FBXO32: variants seen among roughly 807,000 people sequenced by gnomAD.
FBXO32 encodes the protein F-box protein 32.
A neutral mutation model predicts 48.3 loss-of-function variants in FBXO32; 15 were observed. That is an observed-to-expected ratio of 0.31 (90% CI 0.21 to 0.48). FBXO32 has a LOEUF of 0.48. FBXO32 is among the 20% of genes least tolerant of loss of function. The pLI is 0.99. For synonymous variants in FBXO32, 154 were observed against 165.9 expected (o/e 0.93, Z 0.55); for missense variants, 309 against 432.7 (o/e 0.71, Z 2.54).
intron 6 of FBXO32, among the ~76,000 whole-genome samples, chr8:123,512,471 C>T (rs189506287): frequency 4.6e-5 from 7 of 151,748 alleles, no homozygotes; most frequent in African/African-American, 1.2e-4. Context: ...CTACATGAGC[C>T]GCCTGAGTGT....
chr8:123,530,107 A>G (rs1225991321), intron 4 of FBXO32, among the ~76,000 whole-genome samples: 1 of 152,182 alleles, frequency 6.6e-6, no homozygotes, highest in African/African-American at 2.4e-5. Flanking sequence ...TTCACCCAAG[A>G]AGGTCTCTTA....
chr8:123,507,044 C>T (rs530861764), intron 6 of FBXO32, among the ~76,000 whole-genome samples: 3 of 152,280 alleles, frequency 2.0e-5, no homozygotes, highest in African/African-American at 7.2e-5. Context: ...ACCTCAATGC[C>T]TTCGCCTCCC....
At chr8:123,510,775 G>T (rs922074934) in intron 6 of FBXO32, among the ~76,000 whole-genome samples, 1 of 152,288 alleles carries the variant, frequency 6.6e-6, no homozygotes. Context: ...GACTGTCTCC[G>T]GCTCTGTGCC....
At chr8:123,511,935 G>A (rs1272278591) in intron 6 of FBXO32, among the ~76,000 whole-genome samples, 2 of 152,172 alleles carry the variant, frequency 1.3e-5, no homozygotes, top group Non-Finnish European at 2.9e-5. Context: ...CAGAAACCAG[G>A]TAGAATGTGT....
In FBXO32 at chr8:123,506,178, A is replaced by G. The variant is rs1254594234; in HGVS notation, c.834+214T>C. On this transcript the variant is annotated intron_variant, in intron 7 of 8. Transcript: ENST00000517956. This position sits in a 1 kb window ranked among gnomAD's most constrained non-coding sequence, Gnocchi z 4.0. ...CAAGTGGCTGAGGTTACAGTGAGCT[A>G]TGATTGCATCACTGCACTCCAGCCT... Among the ~76,000 whole-genome samples the G allele has an allele frequency of 6.6e-6, 1 of 152,136 alleles. No homozygotes were observed. The highest frequency in any genetic ancestry group is 2.4e-5 in the African/African-American group (1 of 41,424).
At chr8:123,533,626 G>A (rs1817252188) in intron 2 of FBXO32, among the ~76,000 whole-genome samples, 1 of 152,138 alleles carries the variant, frequency 6.6e-6, no homozygotes, top group South Asian at 2.1e-4. Context: ...TGGCCAACAT[G>A]GTGAAACCCC....
chr8:123,521,572 T>G (rs1159695975), intron 4 of FBXO32, among the ~76,000 whole-genome samples: 1 of 152,196 alleles, frequency 6.6e-6, no homozygotes, highest in Admixed American at 6.5e-5. Context: ...TTCAGAAGCA[T>G]CAACAAAAAT....
At chr8:123,512,951 C>T (rs1470974094) in intron 6 of FBXO32, among the ~76,000 whole-genome samples, 3 of 152,172 alleles carry the variant, frequency 2.0e-5, no homozygotes, top group East Asian at 1.9e-4. Flanking sequence ...GCCAAGTTTC[C>T]AGCTTTCCCA....
rs1280201956 is a variant in FBXO32, at chr8:123,541,063, G to A, written c.-49C>T. The A allele has an allele frequency of 7.5e-7, 1 of 1,331,556 alleles. No homozygotes were observed. The highest frequency in any genetic ancestry group is 1.0e-6 in the Non-Finnish European group (1 of 982,052). 82.5% of individuals were successfully genotyped at this position (1,331,556 alleles called of 1,614,324 possible). A position where few individuals can be genotyped will look rare whatever the true frequency, so the allele number is the denominator to read the frequency against. On this transcript the variant is annotated 5_prime_UTR_variant, in exon 1 of 9. Coordinates refer to ENST00000517956, the MANE Select transcript of FBXO32 (RefSeq NM_058229.4). ...ATGGGGAGACGGGGCCGGCCTGGTG[G>A]GCTCGGGGACGTGCCACCCGGGGCG...
chr8:123,516,047 T>C (rs1465440695), intron 4 of FBXO32, among the ~76,000 whole-genome samples: 1 of 152,176 alleles, frequency 6.6e-6, no homozygotes, highest in Admixed American at 6.5e-5. Flanking sequence ...AACTTTAGAC[T>C]GGAAGGAATC....
intron 4 of FBXO32, among the ~76,000 whole-genome samples, chr8:123,516,731 T>A (rs116176322): frequency 6.6e-6 from 1 of 152,144 alleles, no homozygotes; most frequent in East Asian, 1.9e-4. Flanking sequence ...CTCCTTTTTC[T>A]CCCTGGCTTC....
At chr8:123,504,238 C>A (rs1445248857) in intron 8 of FBXO32, among the ~76,000 whole-genome samples, 2 of 151,974 alleles carry the variant, frequency 1.3e-5, no homozygotes, top group East Asian at 1.9e-4. Flanking sequence ...ATTACATTAT[C>A]GCATGGACCC....
intron 4 of FBXO32, among the ~76,000 whole-genome samples, chr8:123,520,037 T>G (rs1479662118): frequency 6.6e-6 from 1 of 152,150 alleles, no homozygotes; most frequent in Non-Finnish European, 1.5e-5. Flanking sequence ...ATCTGCCTGC[T>G]TTGGCCTCCC....
In FBXO32 at chr8:123,540,842, C is replaced by G; in HGVS notation, c.116+57G>C. On this transcript the variant is annotated intron_variant, in intron 1 of 8. Transcript: ENST00000517956. This position sits in a 1 kb window ranked among gnomAD's most constrained non-coding sequence, Gnocchi z 6.4. Reference sequence around the variant, plus strand: ...CCCTCATTCGCCGTCCCTGCGCCCCCCAGACCAGCCCGGGTCAGTTTCGCG... The same window carrying G: ...CCCTCATTCGCCGTCCCTGCGCCCCGCAGACCAGCCCGGGTCAGTTTCGCG... 4 of 1,468,640 alleles carry G rather than the reference C, an allele frequency of 2.7e-6. No homozygotes were observed. The highest frequency in any genetic ancestry group is 3.8e-6 in the Non-Finnish European group (4 of 1,062,584). The allele number at this position is 1,468,640 out of a possible 1,614,324, so 91.0% of individuals were successfully genotyped here.
intron 5 of FBXO32, 75 bp downstream of exon 5, chr8:123,514,165 G>T: frequency 9.6e-7 from 1 of 1,036,378 alleles, no homozygotes; most frequent in Non-Finnish European, 1.4e-6. Context: ...CTAATGACAC[G>T]TCCACTTCAT....
chr8:123,519,872 C>G (rs1816916004), intron 4 of FBXO32, among the ~76,000 whole-genome samples: 1 of 152,158 alleles, frequency 6.6e-6, no homozygotes, highest in Non-Finnish European at 1.5e-5. Context: ...ATTGCAACCT[C>G]CACCTCCCAG....
Position 123,532,624 on chromosome 8 carries a change from A to G in FBXO32, c.279+567T>C, listed in dbSNP as rs543611129. On this transcript the variant is annotated intron_variant, in intron 3 of 8. Transcript: ENST00000517956. Reference sequence around the variant, plus strand: ...AAATCACAGAGGGGACTAGATGTTCACTGAGGTCCCTGACGGTCATAGAAA... The same window carrying G: ...AAATCACAGAGGGGACTAGATGTTCGCTGAGGTCCCTGACGGTCATAGAAA... 3.3e-5 allele frequency among the ~76,000 whole-genome samples: 5 copies of G among 152,360 alleles called. No individual in the cohort carries two copies. The East Asian group carries it at 9.6e-4, about 29-fold the overall frequency.
intron 1 of FBXO32, among the ~76,000 whole-genome samples, chr8:123,536,732 A>G (rs1199049889): frequency 6.6e-6 from 1 of 152,238 alleles, no homozygotes; most frequent in African/African-American, 2.4e-5. Flanking sequence ...CTTATTCTCA[A>G]CATTTAAGGT....
intron 4 of FBXO32, among the ~76,000 whole-genome samples, chr8:123,530,427 A>C (rs2130551109): frequency 6.6e-6 from 1 of 152,148 alleles, no homozygotes; most frequent in East Asian, 1.9e-4. Context: ...CAGGGGGAAA[A>C]TTCCCTCCTA....
Sources: allele counts gnomAD v4.1 joint callset (sites outside exome capture counted in the v4.1 genomes callset), GRCh38; gene constraint gnomAD v4.1.1; non-coding constraint Gnocchi (gnomAD v3.1); transcripts MANE v1.5; gene names NCBI Gene and HGNC (gene_info 2026-07-23, HGNC 2026-07-21).